The following PPP1R9A variants were observed in gnomAD, a reference collection of about 807,000 sequenced individuals.
The protein encoded by PPP1R9A is protein phosphatase 1 regulatory subunit 9A.
Under a neutral mutation model 141.9 loss-of-function variants are expected in PPP1R9A, and 59 were observed. The ratio of observed to expected loss-of-function variants is 0.42; its 90% CI spans 0.34 to 0.52. The LOEUF (loss-of-function observed/expected upper bound fraction) is 0.52, where lower values mean the gene tolerates loss of function less well. Ranked by LOEUF, PPP1R9A falls within the 20% of genes least tolerant of loss-of-function variation. The pLI is 0.10. For synonymous variants in PPP1R9A, 500 were observed against 569.7 expected, an observed-to-expected ratio of 0.88 and a Z score of 1.74; for missense variants, 1,444 against 1,611.9, an observed-to-expected ratio of 0.90 and a Z score of 1.78.
intron 2 of PPP1R9A, among the ~76,000 whole-genome samples, chr7:94,966,835 G>T (rs952032567): frequency 1.3e-5 from 2 of 152,202 alleles, no homozygotes; most frequent in South Asian, 2.1e-4. Context: ...CTCATAAAAT[G>T]AGTTTGGGAG....
At chr7:95,108,743 C>T (rs1820022694) in intron 2 of PPP1R9A, 1 of 151,686 alleles carries the variant, frequency 6.6e-6, no homozygotes, top group South Asian at 2.1e-4. Flanking sequence ...TAGGGAAGAA[C>T]ATTCTGATAT....
rs565042216 is a variant in PPP1R9A, at chr7:95,060,588, A to G, written c.1396-50671A>G. 6.6e-5 allele frequency among the ~76,000 whole-genome samples: 10 copies of G among 152,306 alleles called. No homozygotes were observed. The South Asian group carries it at 2.1e-3, about 32-fold the overall frequency. On this transcript the variant is annotated intron_variant, in intron 2 of 19. Transcript: ENST00000433360. ...ATGATGGAATCAGTCTTGGTTAGTTAGATAGCACAGTTGAAAATGTAAGGT... is the reference window on the plus strand; with the variant it reads ...ATGATGGAATCAGTCTTGGTTAGTTGGATAGCACAGTTGAAAATGTAAGGT...
chr7:94,996,943 C>T (rs896308103), intron 2 of PPP1R9A, among the ~76,000 whole-genome samples: 3 of 151,918 alleles, frequency 2.0e-5, no homozygotes, highest in Non-Finnish European at 2.9e-5. Flanking sequence ...GCTGGGATTA[C>T]AGGCATGTGC....
intron 2 of PPP1R9A, among the ~76,000 whole-genome samples, chr7:94,969,631 G>C (rs1101704): frequency 0.53 from 80,545 of 151,892 alleles, 21,969 homozygotes; most frequent in African/African-American, 0.6. Context: ...GGTCAGCAAC[G>C]CACTTGAGGA....
intron 2 of PPP1R9A, among the ~76,000 whole-genome samples, chr7:95,058,300 A>G (rs1450644399): frequency 6.6e-6 from 1 of 152,200 alleles, no homozygotes; most frequent in African/African-American, 2.4e-5. Context: ...ACTGGGTAAG[A>G]TAGAGAATGC....
chr7:94,995,385 A>G (rs1802047295), intron 2 of PPP1R9A, among the ~76,000 whole-genome samples: 1 of 151,912 alleles, frequency 6.6e-6, no homozygotes, highest in Non-Finnish European at 1.5e-5. Context: ...TTTTCCCCCC[A>G]ATGTTTTCTT....
chr7:95,185,259 C>T lies in PPP1R9A; in HGVS notation c.1755-13090C>T, dbSNP rs888845018. On this transcript the variant is annotated intron_variant, in intron 5 of 19. Coordinates refer to ENST00000433360, the MANE Select transcript of PPP1R9A (RefSeq NM_001166160.2). The stretch of plus-strand genomic sequence containing the variant: ...GTAAGGTGGTATCACACTGTGGTTT[C>T]GGTTTGCATTTCCCTGATCATTAGT... Among the ~76,000 whole-genome samples, 7 of 151,786 alleles carry T rather than the reference C, an allele frequency of 4.6e-5. 1 individual carries two copies. Among genetic ancestry groups the T allele is most frequent in the Admixed American group, 3.9e-4 (6 of 15,218 alleles).
chr7:94,917,361 G>A (rs186571012), intron 2 of PPP1R9A, among the ~76,000 whole-genome samples: 1 of 152,082 alleles, frequency 6.6e-6, no homozygotes, highest in African/African-American at 2.4e-5. Context: ...ATGTTTACTG[G>A]TATTTATTTG....
intron 6 of PPP1R9A, among the ~76,000 whole-genome samples, chr7:95,198,692 CTG>C (rs1836648045): frequency 6.6e-6 from 1 of 152,174 alleles, no homozygotes; most frequent in Non-Finnish European, 1.5e-5. Context: ...AGTATGAAGA[CTG>C]TGGACACAAA....
intron 7 of PPP1R9A, among the ~76,000 whole-genome samples, chr7:95,210,344 G>C (rs2152907577): frequency 6.6e-6 from 1 of 151,936 alleles, no homozygotes; most frequent in East Asian, 1.9e-4. Flanking sequence ...ACAATTTTAA[G>C]GCATAAAAAA....
chr7:94,978,192 C>T (rs1178020708), intron 2 of PPP1R9A, among the ~76,000 whole-genome samples: 4 of 152,114 alleles, frequency 2.6e-5, no homozygotes, highest in African/African-American at 7.2e-5. Flanking sequence ...GCATAATTCT[C>T]CTAGGCCATA....
At chr7:94,940,312 G>A (rs181170608) in intron 2 of PPP1R9A, among the ~76,000 whole-genome samples, 271 of 151,820 alleles carry the variant, frequency 1.8e-3, no homozygotes, top group Non-Finnish European at 3.0e-3. Flanking sequence ...TTTCCATTTA[G>A]CAGGATCAAG....
At chr7:95,106,808 T>G (rs968308194) in intron 2 of PPP1R9A, among the ~76,000 whole-genome samples, 9 of 152,154 alleles carry the variant, frequency 5.9e-5, no homozygotes, top group Non-Finnish European at 1.2e-4. Flanking sequence ...GTAGTCTTTT[T>G]TTTGTTTGTT....
rs555807570 is a variant in PPP1R9A at position 95,090,950 on chromosome 7, T to C, written c.1396-20309T>C. Among the ~76,000 whole-genome samples the C allele has an allele frequency of 6.6e-5, 10 of 152,180 alleles. No homozygotes were observed. The South Asian group carries it at 2.1e-3, about 32-fold the overall frequency. On this transcript the variant is annotated intron_variant, in intron 2 of 19. Coordinates refer to ENST00000433360, the MANE Select transcript of PPP1R9A (RefSeq NM_001166160.2). ...TCACATACCAAATATTTGAATATTT[T>C]CTGTGTCACTGAATAACCTTATAGA... is the stretch of plus-strand genomic sequence containing the variant.
intron 2 of PPP1R9A, among the ~76,000 whole-genome samples, chr7:95,081,820 A>G (rs968378449): frequency 2.0e-5 from 3 of 152,232 alleles, no homozygotes; most frequent in African/African-American, 7.2e-5. Flanking sequence ...GAAAATGACC[A>G]TAAGCTCTGT....
intron 2 of PPP1R9A, among the ~76,000 whole-genome samples, chr7:94,926,323 A>G (rs1204660149): frequency 6.6e-6 from 1 of 152,158 alleles, no homozygotes; most frequent in African/African-American, 2.4e-5. Flanking sequence ...GACAGTTCAT[A>G]AGTAACCACA....
intron 7 of PPP1R9A, chr7:95,214,192 G>C (rs1792782667): frequency 6.6e-6 from 1 of 152,226 alleles, no homozygotes; most frequent in Admixed American, 6.5e-5. Flanking sequence ...TACCGTGTCT[G>C]TGGGTCAATT....
Position 94,911,131 on chromosome 7 carries a change from C to G in PPP1R9A, c.1018C>G (p.Gln340Glu). ...AMPKSEIPSP[Q>E]SQLLEDAEAN... ...GCCAAAGTCCGAAATCCCTTCACCA[C>G]AAAGCCAACTGTTAGAAGATGCTGA... Residue 340 changes from glutamine (Q) to glutamate (E), a missense_variant, in exon 2 of 20, where the codon CAA (glutamine) becomes GAA (glutamate). Gln to Glu is a conservative substitution (Grantham distance 29). Transcript: ENST00000433360. 1.2e-6 allele frequency: 2 copies of G among 1,614,150 alleles called. No individual in the cohort carries two copies. Among genetic ancestry groups the G allele is most frequent in the Non-Finnish European group, 1.7e-6 (2 of 1,180,016 alleles).
intron 2 of PPP1R9A, among the ~76,000 whole-genome samples, chr7:94,933,353 A>G (rs769817538): frequency 1.3e-5 from 2 of 152,212 alleles, no homozygotes; most frequent in Non-Finnish European, 2.9e-5. Context: ...AACTATTTGC[A>G]GAAATGCTGC....
Sources: gnomAD v4.1 joint callset for allele counts (sites outside exome capture counted in the v4.1 genomes callset) on GRCh38, gnomAD v4.1.1 for gene constraint, MANE v1.5 for transcripts, NCBI Gene and HGNC (gene_info 2026-07-23, HGNC 2026-07-21) for gene names.